The following CBLN2 variants were observed in gnomAD, a reference collection of about 807,000 sequenced individuals.
CBLN2 encodes cerebellin 2 precursor.
In CBLN2, 7 loss-of-function variants were observed where a neutral mutation model predicts 15.0. The ratio of observed to expected loss-of-function variants is 0.47; its 90% CI spans 0.27 to 0.88. The LOEUF (loss-of-function observed/expected upper bound fraction) is 0.88, where lower values mean the gene tolerates loss of function less well. Ranked by LOEUF, CBLN2 falls within the 40% of genes least tolerant of loss-of-function variation. CBLN2 has a pLI of 0.14. For synonymous variants in CBLN2, 149 were observed against 135.2 expected (o/e 1.10, Z -0.71); for missense variants, 242 against 304.5 (o/e 0.79, Z 1.53).
chr18:72,630,494 C>CG, intron 1 of CBLN2, among the ~76,000 whole-genome samples: 1 of 40,768 alleles, frequency 2.5e-5, no homozygotes, highest in East Asian at 3.0e-4. Context: ...TCTACTGCTC[C>CG]AACACACACA....
intron 1 of CBLN2, among the ~76,000 whole-genome samples, chr18:72,574,744 C>T (rs2069353717): frequency 6.6e-6 from 1 of 152,040 alleles, no homozygotes; most frequent in African/African-American, 2.4e-5. Flanking sequence ...AATGGGAAAG[C>T]GGTGCTGGGT....
chr18:72,576,941 A>T, intron 1 of CBLN2, among the ~76,000 whole-genome samples: 1 of 147,998 alleles, frequency 6.8e-6, no homozygotes, highest in East Asian at 1.9e-4. Flanking sequence ...TTTTATATAT[A>T]TATAAATGTG....
At chr18:72,599,352 G>A (rs931434108) in intron 1 of CBLN2, among the ~76,000 whole-genome samples, 17 of 152,136 alleles carry the variant, frequency 1.1e-4, no homozygotes, top group African/African-American at 4.1e-4. Context: ...AGAATAATTC[G>A]TGGGTGGTAA....
intron 3 of CBLN2, 43 bp from the exon 4 acceptor site, chr18:72,538,815 C>T: frequency 6.2e-7 from 1 of 1,604,028 alleles, no homozygotes; most frequent in Non-Finnish European, 8.5e-7. Context: ...GCAAGCCCCT[C>T]CTCGGTGTAT....
At position 72,541,793 on chromosome 18, in the gene CBLN2, C is replaced by A; in HGVS notation, c.357+11G>T. 2 of 1,519,422 alleles carry A rather than the reference C, an allele frequency of 1.3e-6. No homozygotes were observed. Among genetic ancestry groups the A allele is most frequent in the Non-Finnish European group, 8.8e-7 (1 of 1,133,948 alleles). 94.1% of individuals were successfully genotyped at this position (1,519,422 alleles called of 1,614,324 possible). A position where few individuals can be genotyped will look rare whatever the true frequency, so the allele number is the denominator to read the frequency against. ...CGGGCTGGGGGCGGGGTGGGCAGGC[C>A]GACGGCTGACCTGGTCGAAATAGAT... is the stretch of plus-strand genomic sequence containing the variant. On this transcript the variant is annotated intron_variant, in intron 3 of 4. Coordinates refer to ENST00000269503, the MANE Select transcript of CBLN2 (RefSeq NM_182511.4).
chr18:72,581,020 T>A (rs2069399528), intron 1 of CBLN2, among the ~76,000 whole-genome samples: 1 of 152,198 alleles, frequency 6.6e-6, no homozygotes, highest in Admixed American at 6.5e-5. Context: ...CCACGTTTTA[T>A]GTTTAAGTCC....
At chr18:72,637,736 AC>A (rs35774934) in intron 1 of CBLN2, among the ~76,000 whole-genome samples, 32,075 of 151,974 alleles carry the variant, frequency 0.21, 3,775 homozygotes, top group South Asian at 0.33. Context: ...TGACAGGGGA[AC>A]CCCCCATCCC....
chr18:72,579,372 T>C (rs2069388372), intron 1 of CBLN2, among the ~76,000 whole-genome samples: 1 of 152,206 alleles, frequency 6.6e-6, no homozygotes, highest in Admixed American at 6.5e-5. Context: ...TTAATATTAC[T>C]AAATCAAAGT....
At chr18:72,564,321 T>A (rs1173097536) in intron 1 of CBLN2, among the ~76,000 whole-genome samples, 1 of 152,134 alleles carries the variant, frequency 6.6e-6, no homozygotes, top group Admixed American at 6.5e-5. Flanking sequence ...AATAACTTAT[T>A]ATTTCAATGA....
intron 1 of CBLN2, among the ~76,000 whole-genome samples, chr18:72,594,010 A>T (rs1568126678): frequency 6.6e-6 from 1 of 152,202 alleles, no homozygotes; most frequent in African/African-American, 2.4e-5. Flanking sequence ...GGAAACCACC[A>T]TTCTCAGCAA....
chr18:72,570,295 T>A (rs2069322972), intron 1 of CBLN2, among the ~76,000 whole-genome samples: 1 of 151,690 alleles, frequency 6.6e-6, no homozygotes, highest in African/African-American at 2.4e-5. Context: ...TTTTTTTTTT[T>A]TTTTTTCCCG....
intron 1 of CBLN2, among the ~76,000 whole-genome samples, chr18:72,628,543 C>A (rs1358135967): frequency 6.6e-6 from 1 of 152,144 alleles, no homozygotes; most frequent in Non-Finnish European, 1.5e-5. Context: ...CTCCTTCCCA[C>A]CTCACAGTAA....
At chr18:72,558,165 G>T (rs1029985272) in intron 1 of CBLN2, among the ~76,000 whole-genome samples, 3 of 152,104 alleles carry the variant, frequency 2.0e-5, no homozygotes, top group African/African-American at 7.2e-5. Context: ...ACTTAGTGTG[G>T]CACCTTGGGC....
intron 1 of CBLN2, among the ~76,000 whole-genome samples, chr18:72,551,556 G>A (rs939235403): frequency 1.3e-5 from 2 of 152,082 alleles, no homozygotes; most frequent in African/African-American, 4.8e-5. Flanking sequence ...TACCATCCTT[G>A]CGCTCCTTGA....
intron 1 of CBLN2, among the ~76,000 whole-genome samples, chr18:72,577,181 A>G (rs1364512832): frequency 6.6e-6 from 1 of 151,046 alleles, no homozygotes; most frequent in East Asian, 1.9e-4. Context: ...ATAAACATAA[A>G]TATATATGAA....
chr18:72,564,504 A>G (rs998887818), intron 1 of CBLN2, among the ~76,000 whole-genome samples: 2 of 152,190 alleles, frequency 1.3e-5, no homozygotes, highest in African/African-American at 4.8e-5. Context: ...ACCTAGTCAG[A>G]TAGTCAGAGA....
At chr18:72,563,205 C>G (rs896325066) in intron 1 of CBLN2, among the ~76,000 whole-genome samples, 9 of 151,910 alleles carry the variant, frequency 5.9e-5, no homozygotes, top group Admixed American at 5.9e-4. Context: ...AAAAGGGAAA[C>G]CTAAAAGATG....
intron 1 of CBLN2, among the ~76,000 whole-genome samples, chr18:72,556,768 C>T (rs2069229360): frequency 6.6e-6 from 1 of 151,670 alleles, no homozygotes; most frequent in Admixed American, 6.6e-5. Flanking sequence ...GAGCAAATTA[C>T]TGATAGGTAG....
At chr18:72,549,164 A>G (rs1253027674), upstream of CBLN2, among the ~76,000 whole-genome samples, 1 of 152,108 alleles carries the variant, frequency 6.6e-6, no homozygotes, top group Non-Finnish European at 1.5e-5. Flanking sequence ...GGTGTGCACC[A>G]CCATGCTTGG....
Sources: gnomAD v4.1 joint callset for allele counts (sites outside exome capture counted in the v4.1 genomes callset) on GRCh38, gnomAD v4.1.1 for gene constraint, MANE v1.5 for transcripts, NCBI Gene and HGNC (gene_info 2026-07-23, HGNC 2026-07-21) for gene names.